RYR2: variants seen among roughly 807,000 people sequenced by gnomAD.
The protein encoded by RYR2 is cardiac muscle ryanodine receptor-calcium release channel.
Under a neutral mutation model 601.1 loss-of-function variants are expected in RYR2, and 227 were observed. The ratio of observed to expected loss-of-function variants is 0.38; its 90% confidence interval spans 0.34 to 0.42. The LOEUF (loss-of-function observed/expected upper bound fraction) is 0.42. RYR2 is among the 10% of genes least tolerant of loss of function. The pLI, the probability that RYR2 is intolerant of heterozygous loss-of-function variation, is 1.00. For missense variants in RYR2, 4,646 were observed against 6,156.5 expected (o/e 0.75, Z 8.21); for synonymous variants, 2,223 against 2,175.1 (o/e 1.02, Z -0.61).
intron 3 of RYR2, chr1:237,352,897 C>T: frequency 2.0e-6 from 1 of 510,530 alleles, no homozygotes; most frequent in Non-Finnish European, 3.9e-6. Context: ...TCTTAACTCC[C>T]TCCCTACCAT....
At chr1:237,450,985 A>C (rs757485390) in intron 14 of RYR2, among the ~76,000 whole-genome samples, 3 of 152,060 alleles carry the variant, frequency 2.0e-5, no homozygotes, top group Non-Finnish European at 2.9e-5. Flanking sequence ...AATCATGTTT[A>C]TATTGCATAT....
chr1:237,689,000 A>G (rs1686698512), intron 63 of RYR2, among the ~76,000 whole-genome samples: 1 of 152,162 alleles, frequency 6.6e-6, no homozygotes, highest in South Asian at 2.1e-4. Context: ...GTGGTGGCTC[A>G]TGCCTGTATC....
At chr1:237,809,648 A>G (rs1461719069) in intron 100 of RYR2, among the ~76,000 whole-genome samples, 1 of 152,202 alleles carries the variant, frequency 6.6e-6, no homozygotes, top group Non-Finnish European at 1.5e-5. Context: ...CACTAGCTGG[A>G]AAGAGATGTA....
At chr1:237,062,949 T>A (rs776672980) in intron 1 of RYR2, among the ~76,000 whole-genome samples, 1 of 151,962 alleles carries the variant, frequency 6.6e-6, no homozygotes, top group Admixed American at 6.5e-5. Flanking sequence ...TTTAGAATTA[T>A]GATTTTACTG....
intron 74 of RYR2, among the ~76,000 whole-genome samples, chr1:237,723,726 A>G (rs1167150927): frequency 1.3e-5 from 2 of 152,076 alleles, no homozygotes; most frequent in Non-Finnish European, 2.9e-5. Context: ...TTTTGAGCTA[A>G]TTTTCTCTGA....
At chr1:237,109,366 A>G (rs2148575509) in intron 1 of RYR2, among the ~76,000 whole-genome samples, 1 of 152,198 alleles carries the variant, frequency 6.6e-6, no homozygotes, top group Middle Eastern at 3.4e-3. Flanking sequence ...AAGTTGGCAA[A>G]GAATATGCAG....
At chr1:237,539,136 C>CA (rs1415903394) in intron 25 of RYR2, among the ~76,000 whole-genome samples, 1 of 152,136 alleles carries the variant, frequency 6.6e-6, no homozygotes, top group African/African-American at 2.4e-5. Flanking sequence ...ATTATTTAAG[C>CA]AAAATATAAT....
rs1478989523 is a variant in RYR2 at position 237,369,596 on chromosome 1, C to G, written c.372C>G (p.Ser124=). 3 of 1,560,980 alleles carry G rather than the reference C, an allele frequency of 1.9e-6. No homozygotes were observed. In the Admixed American group the frequency reaches 5.7e-5, roughly 30 times the overall value. The change falls in exon 6 of 105, where the codon TCC becomes TCG. Residue 124 remains serine (S), a synonymous_variant. Coordinates refer to ENST00000366574, the MANE Select transcript of RYR2 (RefSeq NM_001035.3). ...GACATGCCATATTGCTGCGCCATTCCTATAGTGGCATGGTGAGTAGGCATT... is the reference window on the plus strand; with the variant it reads ...GACATGCCATATTGCTGCGCCATTCGTATAGTGGCATGGTGAGTAGGCATT... ...LYGHAILLRH[S]YSGMYLCCLS... is the part of the protein sequence containing the mutation.
intron 80 of RYR2, among the ~76,000 whole-genome samples, chr1:237,745,499 C>G (rs1377896964): frequency 6.6e-6 from 1 of 152,126 alleles, no homozygotes; most frequent in Non-Finnish European, 1.5e-5. Context: ...GAAGGTGTTG[C>G]TAGCCAAGAA....
intron 79 of RYR2, among the ~76,000 whole-genome samples, chr1:237,741,121 C>G (rs1167302491): frequency 1.3e-5 from 2 of 152,176 alleles, no homozygotes; most frequent in Admixed American, 6.5e-5. Context: ...CCTGCGTCCC[C>G]ACCTTTATTT....
At chr1:237,257,044 C>T (rs538736643) in intron 1 of RYR2, among the ~76,000 whole-genome samples, 7 of 152,252 alleles carry the variant, frequency 4.6e-5, no homozygotes, top group South Asian at 2.1e-4. Flanking sequence ...AGGGTGCATA[C>T]GATAAGTCTA....
chr1:237,572,187 G>A (rs571042924), intron 29 of RYR2, among the ~76,000 whole-genome samples: 1 of 152,268 alleles, frequency 6.6e-6, no homozygotes, highest in Non-Finnish European at 1.5e-5. Context: ...TAGTGGGAAG[G>A]TAGGAGGAAG....
At chr1:237,187,020 A>C (rs978158354) in intron 1 of RYR2, among the ~76,000 whole-genome samples, 3 of 152,134 alleles carry the variant, frequency 2.0e-5, no homozygotes, top group African/African-American at 4.8e-5. Flanking sequence ...GAACTTGTGG[A>C]AGGGAGGTCA....
At chr1:237,267,745 A>C (rs1419884507) in intron 1 of RYR2, 1 of 159,838 alleles carries the variant, frequency 6.3e-6, no homozygotes, top group Non-Finnish European at 1.4e-5. Context: ...TGCACCTTAC[A>C]GATAGAGAAG....
chr1:237,519,067 C>G (rs1282167316), intron 24 of RYR2, among the ~76,000 whole-genome samples: 1 of 152,154 alleles, frequency 6.6e-6, no homozygotes, highest in East Asian at 1.9e-4. Flanking sequence ...ATTTGTATGT[C>G]TTATTTTGAA....
At chr1:237,375,413 A>G (rs375916544) in intron 7 of RYR2, among the ~76,000 whole-genome samples, 2 of 152,220 alleles carry the variant, frequency 1.3e-5, no homozygotes, top group African/African-American at 4.8e-5. Context: ...GTCTTTTACA[A>G]TGAGCATGCA....
chr1:237,121,051 T>TGC (rs757432253), intron 1 of RYR2: 15 of 151,526 alleles, frequency 9.9e-5, no homozygotes, highest in South Asian at 2.1e-4. Context: ...TGTGTGTGTG[T>TGC]GCACATGTGT....
chr1:237,603,419 G>C (rs933654233), intron 35 of RYR2, among the ~76,000 whole-genome samples: 6 of 152,182 alleles, frequency 3.9e-5, no homozygotes, highest in Non-Finnish European at 7.4e-5. Context: ...CTGACCCCGT[G>C]AGGTGGCCCC....
intron 87 of RYR2, among the ~76,000 whole-genome samples, chr1:237,774,888 A>G (rs759701252): frequency 2.6e-5 from 4 of 152,146 alleles, no homozygotes; most frequent in Non-Finnish European, 2.9e-5. Context: ...ATTTCAGCTA[A>G]GAGTAGGCAT....
Sources: allele counts gnomAD v4.1 joint callset (sites outside exome capture counted in the v4.1 genomes callset), GRCh38; gene constraint gnomAD v4.1.1; transcripts MANE v1.5; gene names NCBI Gene and HGNC (gene_info 2026-07-23, HGNC 2026-07-21).